CCPG1: variants seen among roughly 807,000 people sequenced by gnomAD.
The protein encoded by CCPG1 is cell cycle progression 1, also known as cell cycle progression protein 1.
Under a neutral mutation model 81.3 loss-of-function variants are expected in CCPG1, and 46 were observed. The observed-to-expected ratio is 0.57, with a 90% CI of 0.45 to 0.72. CCPG1 has a LOEUF of 0.72. Ranked by LOEUF, CCPG1 falls within the 30% of genes least tolerant of loss-of-function variation. The pLI is 0.00. For synonymous variants in CCPG1, 330 were observed against 305.2 expected, an observed-to-expected ratio of 1.08 and a Z score of -0.85; for missense variants, 902 against 937.6, an observed-to-expected ratio of 0.96 and a Z score of 0.50.
rs921216695 is a variant in CCPG1, at chr15:55,356,181, T to G, written c.*39A>C. On this transcript the variant is annotated 3_prime_UTR_variant, in exon 9 of 9. Coordinates refer to ENST00000442196, the MANE Select transcript of CCPG1 (RefSeq NM_001204450.2). ...TACCAAACATTATACAAAGCATAAA[T>G]TTTTCTCTTACAGTTGTCTAATTTA... The G allele has an allele frequency of 1.4e-6, 2 of 1,441,136 alleles. No individual in the cohort carries two copies. Among genetic ancestry groups the G allele is most frequent in the African/African-American group, 2.9e-5 (2 of 69,604 alleles). The allele number at this position is 1,441,136 out of a possible 1,614,324, so 89.3% of individuals were successfully genotyped here.
intron 5 of CCPG1, among the ~76,000 whole-genome samples, chr15:55,373,526 T>C (rs533346122): frequency 6.6e-6 from 1 of 152,342 alleles, no homozygotes; most frequent in South Asian, 2.1e-4. Flanking sequence ...ATTCCTAATA[T>C]TTAGTGATAC....
intron 3 of CCPG1, among the ~76,000 whole-genome samples, chr15:55,380,239 C>A (rs2056654074): frequency 6.8e-6 from 1 of 147,632 alleles, no homozygotes; most frequent in Admixed American, 6.7e-5. Context: ...TTTTAAATTT[C>A]TTTTGCTTAC....
At position 55,385,648 on chromosome 15, in the gene CCPG1, A is replaced by C; in HGVS notation, c.127T>G (p.Ser43Ala). The C allele has an allele frequency of 6.2e-7, 1 of 1,612,370 alleles. No individual in the cohort carries two copies. The highest frequency in any genetic ancestry group is 8.5e-7 in the Non-Finnish European group (1 of 1,178,920). The change falls in exon 3 of 9, where the codon TCA becomes GCA. Residue 43 changes from serine (S) to alanine (A), a missense_variant. Around this residue, in one of 3 missense-constraint regions of CCPG1, gnomAD observed 746 missense variants for 728.6 expected, o/e 1.02. Coordinates refer to ENST00000442196, the MANE Select transcript of CCPG1 (RefSeq NM_001204450.2). ...TDSCEPAPEC[S>A]SLEQEELQAL... ...TGAAGCTCCTCTTGCTCTAAAGATG[A>C]ACATTCTGGGGCGGGCTCACAGCTG...
At chr15:55,364,252 G>A (rs1164126913) in intron 7 of CCPG1, among the ~76,000 whole-genome samples, 2 of 150,434 alleles carry the variant, frequency 1.3e-5, no homozygotes, top group Non-Finnish European at 3.0e-5. Flanking sequence ...CCTGTGAGAC[G>A]AGATCTAGGT....
At chr15:55,382,511 C>CTTTTT (rs752529724) in intron 3 of CCPG1, among the ~76,000 whole-genome samples, 1 of 139,912 alleles carries the variant, frequency 7.1e-6, no homozygotes, top group Non-Finnish European at 1.6e-5. Context: ...GGATCCACTT[C>CTTTTT]TTTTTTTTTT....
At chr15:55,356,796 G>C in intron 8 of CCPG1, 1 of 992,840 alleles carries the variant, frequency 1.0e-6, no homozygotes, top group Non-Finnish European at 1.2e-6. Flanking sequence ...CAAAACAAAA[G>C]TCTCAACTTT....
Position 55,356,230 on chromosome 15 carries a change from G to C in CCPG1, c.2414C>G (p.Pro805Arg). 6.5e-7 allele frequency: 1 copy of C among 1,533,472 alleles called. No individual in the cohort carries two copies. Among genetic ancestry groups the C allele is most frequent in the South Asian group, 1.2e-5 (1 of 83,458 alleles). The allele number at this position is 1,533,472 out of a possible 1,614,324, so 95.0% of individuals were successfully genotyped here. Residue 805 changes from proline (P) to arginine (R), a missense_variant, in exon 9 of 9, where the codon CCT becomes CGT. Physicochemically the swap from Pro to Arg is moderately radical, Grantham distance 103 (BLOSUM62 -2). This residue lies in a region of CCPG1 where 128 missense variants were observed against 161.2 expected (regional missense o/e 0.79). Coordinates refer to ENST00000442196, the MANE Select transcript of CCPG1 (RefSeq NM_001204450.2). The stretch of plus-strand genomic sequence containing the variant: ...TAACTCAATTGTGAATCAGTATTGA[G>C]GATCAAAAGGTAATTGCCCCAATTC... ...EIELGQLPFD[P>R]QY
chr15:55,370,681 C>T (rs1877159848), intron 6 of CCPG1, among the ~76,000 whole-genome samples: 1 of 152,030 alleles, frequency 6.6e-6, no homozygotes, highest in South Asian at 2.1e-4. Flanking sequence ...TTGAGACCAG[C>T]CTGGCCAAGA....
chr15:55,363,174 C>G (rs1393217842), intron 7 of CCPG1, among the ~76,000 whole-genome samples: 3 of 152,038 alleles, frequency 2.0e-5, no homozygotes, highest in African/African-American at 7.2e-5. Context: ...ATAGTGAAAC[C>G]CCATCTCTAC....
intron 2 of CCPG1, among the ~76,000 whole-genome samples, chr15:55,386,633 G>A (rs186488245): frequency 2.0e-5 from 3 of 152,236 alleles, no homozygotes; most frequent in East Asian, 1.9e-4. Context: ...AGTGGCTCAC[G>A]CCTGTAATCC....
intron 1 of CCPG1, among the ~76,000 whole-genome samples, chr15:55,403,140 GA>G (rs1371907576): frequency 2.6e-5 from 4 of 152,080 alleles, no homozygotes; most frequent in African/African-American, 9.7e-5. Context: ...TACTTCATAT[GA>G]GTAGATAACT....
chr15:55,383,093 A>T (rs556284378), intron 3 of CCPG1, among the ~76,000 whole-genome samples: 1 of 152,356 alleles, frequency 6.6e-6, no homozygotes, highest in African/African-American at 2.4e-5. Flanking sequence ...GTATTTATTA[A>T]ATAATACAAC....
chr15:55,365,431 T>G (rs1015789516), intron 6 of CCPG1, 122 bp from the exon 7 acceptor site: 272 of 571,708 alleles, frequency 4.8e-4, no homozygotes, highest in Middle Eastern at 1.0e-3. Flanking sequence ...TTTTTTTTTT[T>G]GTTTTTTTTT....
chr15:55,356,462 T>C, intron 8 of CCPG1, 53 bp from the exon 9 acceptor site: 9 of 1,381,582 alleles, frequency 6.5e-6, no homozygotes, highest in Non-Finnish European at 8.6e-6. Flanking sequence ...TGTATTTAAA[T>C]TTAAAACAAT....
chr15:55,364,153 T>C (rs2056270153), intron 7 of CCPG1, among the ~76,000 whole-genome samples: 1 of 150,432 alleles, frequency 6.6e-6, no homozygotes, highest in Non-Finnish European at 1.5e-5. Flanking sequence ...ACAACCTTCT[T>C]AGGAAAAAAC....
intron 3 of CCPG1, 107 bp from the exon 4 acceptor site, chr15:55,378,483 G>A (rs2056611639): frequency 3.4e-6 from 2 of 586,850 alleles, no homozygotes; most frequent in African/African-American, 1.9e-5. Context: ...TTCCTAATAT[G>A]TTAGGATAGA....
chr15:55,377,936 G>C (rs2056600865), intron 4 of CCPG1, among the ~76,000 whole-genome samples: 1 of 152,076 alleles, frequency 6.6e-6, no homozygotes, highest in Non-Finnish European at 1.5e-5. Context: ...CATGTAAAAT[G>C]ATCATCTAGC....
chr15:55,365,378 AAT>A (rs2056300811), intron 6 of CCPG1, 69 bp from the exon 7 acceptor site: 1 of 962,176 alleles, frequency 1.0e-6, no homozygotes, highest in African/African-American at 1.7e-5. Flanking sequence ...TGTATTTTTT[AAT>A]ATTGGTAATC....
In CCPG1 at chr15:55,401,583, C is replaced by T. The variant is rs181648796; in HGVS notation, c.-10+6638G>A. Among the ~76,000 whole-genome samples the T allele has an allele frequency of 3.1e-3, 468 of 151,488 alleles. 4 individuals are homozygous for T. The highest frequency in any genetic ancestry group is 5.1e-3 in the Non-Finnish European group (348 of 67,910). Reference sequence around the variant, plus strand: ...TCGGGAGGCTGAGGCAGGAGAATCACTTGAACCAGGAGGTGGAGGTTGCAG... The same window carrying T: ...TCGGGAGGCTGAGGCAGGAGAATCATTTGAACCAGGAGGTGGAGGTTGCAG... On this transcript the variant is annotated intron_variant, in intron 1 of 8. Transcript: ENST00000442196.
Sources: gnomAD v4.1 joint callset for allele counts (sites outside exome capture counted in the v4.1 genomes callset) on GRCh38, gnomAD v4.1.1 for gene constraint, gnomAD v4.1.1 regional missense constraint, MANE v1.5 for transcripts, NCBI Gene and HGNC (gene_info 2026-07-23, HGNC 2026-07-21) for gene names.